The following TRIM37 variants were observed in gnomAD, a reference collection of about 807,000 sequenced individuals.
The protein encoded by TRIM37 is tripartite motif containing 37.
Under a neutral mutation model 129.8 loss-of-function variants are expected in TRIM37, and 80 were observed. That is an observed-to-expected ratio of 0.62 (90% confidence interval 0.51 to 0.74). The LOEUF is 0.74. Ranked by LOEUF, TRIM37 falls within the 30% of genes least tolerant of loss-of-function variation. TRIM37 has a pLI of 0.00. For synonymous variants in TRIM37, 389 were observed against 387.1 expected (o/e 1.00, Z -0.06); for missense variants, 1,054 against 1,176.5 (o/e 0.90, Z 1.52).
intron 9 of TRIM37, among the ~76,000 whole-genome samples, chr17:59,068,543 A>C (rs1426096192): frequency 6.6e-6 from 1 of 152,250 alleles, no homozygotes; most frequent in African/African-American, 2.4e-5. Context: ...CCACAGTATC[A>C]ATGAAGCAGC....
At chr17:58,991,336 G>A (rs1255797968) in intron 24 of TRIM37, among the ~76,000 whole-genome samples, 2 of 151,942 alleles carry the variant, frequency 1.3e-5, no homozygotes, top group Non-Finnish European at 2.9e-5. Context: ...AGGAGTTTGA[G>A]ACCAGCCTGG....
intron 4 of TRIM37, among the ~76,000 whole-genome samples, chr17:59,085,593 G>A (rs1264189649): frequency 2.0e-5 from 3 of 152,142 alleles, no homozygotes; most frequent in African/African-American, 7.2e-5. Flanking sequence ...CTACTGGTGG[G>A]ACTGTAAAAT....
chr17:59,041,872 T>C lies in TRIM37; in HGVS notation c.1694A>G (p.Asn565Ser), dbSNP rs764000478. ...TMSGENDVEYNNMELEEGELM... is the reference protein window; with the variant it reads ...TMSGENDVEYSNMELEEGELM... ...TTCTCCCTCTTCTAATTCCATGTTG[T>C]TATATTCCACATCATTTTCTCCAGA... Residue 565 changes from asparagine to serine, a missense_variant, in exon 17 of 24, where the codon AAC becomes AGC. By Grantham distance (46) the Asn-to-Ser change is conservative. Around this residue, in one of 3 missense-constraint regions of TRIM37, gnomAD observed 752 missense variants for 870.8 expected, o/e 0.86. Transcript: ENST00000262294. 1 of 1,613,748 alleles carries C rather than the reference T, an allele frequency of 6.2e-7. No individual in the cohort carries two copies. The highest frequency in any genetic ancestry group is 8.5e-7 in the Non-Finnish European group (1 of 1,179,722).
At chr17:59,006,583 G>C (rs540061602) in intron 22 of TRIM37, among the ~76,000 whole-genome samples, 1 of 152,094 alleles carries the variant, frequency 6.6e-6, no homozygotes, top group African/African-American at 2.4e-5. Context: ...TGGTGAGGGA[G>C]ACCAACTAAC....
intron 22 of TRIM37, among the ~76,000 whole-genome samples, chr17:59,009,498 C>T (rs570678460): frequency 1.4e-5 from 2 of 145,198 alleles, no homozygotes; most frequent in African/African-American, 2.6e-5. Flanking sequence ...CAGGCTGGAG[C>T]GCAATGGTGC....
At chr17:59,073,823 C>A (rs1315428676) in intron 8 of TRIM37, among the ~76,000 whole-genome samples, 2 of 152,216 alleles carry the variant, frequency 1.3e-5, no homozygotes, top group Non-Finnish European at 2.9e-5. Context: ...TCATCAATAT[C>A]ACCACCTTCC....
At chr17:58,969,701 C>A in the TRIM37 span, 1 of 1,614,072 alleles carries the variant, frequency 6.2e-7, no homozygotes, top group Non-Finnish European at 8.5e-7. Flanking sequence ...CACTGATGAG[C>A]GGTTTGTGCA....
At chr17:59,051,565 C>T (rs2040348139) in intron 13 of TRIM37, among the ~76,000 whole-genome samples, 1 of 152,132 alleles carries the variant, frequency 6.6e-6, no homozygotes, top group Non-Finnish European at 1.5e-5. Context: ...TGTAGTTAAG[C>T]TTCCCAAACT....
intron 6 of TRIM37, 98 bp from the exon 7 acceptor site, chr17:59,079,975 G>A: frequency 7.2e-7 from 1 of 1,385,014 alleles, no homozygotes; most frequent in East Asian, 2.4e-5. Context: ...TATGAAAAAG[G>A]TAGTTAGAGG....
intron 14 of TRIM37, among the ~76,000 whole-genome samples, chr17:59,049,686 C>T (rs1018692445): frequency 1.3e-4 from 19 of 151,982 alleles, no homozygotes; most frequent in African/African-American, 3.6e-4. Flanking sequence ...TTTTTAGAGA[C>T]GGTATCTTGC....
chr17:59,021,429 T>C (rs1226376010), intron 19 of TRIM37, among the ~76,000 whole-genome samples: 2 of 152,066 alleles, frequency 1.3e-5, no homozygotes, highest in East Asian at 1.9e-4. Context: ...CATATACACA[T>C]GGAATACTAT....
intron 15 of TRIM37, 88 bp downstream of exon 15, chr17:59,049,090 C>T: frequency 1.9e-6 from 2 of 1,039,452 alleles, no homozygotes; most frequent in South Asian, 1.3e-5. Context: ...TTTTAGCCTA[C>T]TGTTTTAGCA....
chr17:58,980,293 A>G, downstream of TRIM37: 2 of 1,614,192 alleles, frequency 1.2e-6, no homozygotes, highest in Non-Finnish European at 1.7e-6. This position sits in a 1 kb window ranked among gnomAD's most constrained non-coding sequence, Gnocchi z 4.7. Flanking sequence ...CTTTTCAAGG[A>G]GGGCAAGAAG....
intron 5 of TRIM37, among the ~76,000 whole-genome samples, chr17:59,081,626 AGC>A: frequency 6.6e-6 from 1 of 152,134 alleles, no homozygotes; most frequent in African/African-American, 2.4e-5. Context: ...AATAATTATT[AGC>A]CAGGGGTGGT....
downstream of TRIM37, among the ~76,000 whole-genome samples, chr17:58,978,433 A>T (rs1372061698): frequency 1.3e-5 from 2 of 152,202 alleles, no homozygotes; most frequent in African/African-American, 4.8e-5. Context: ...ATGAGAGGCC[A>T]GATGCGGTGG....
At chr17:59,044,235 A>C (rs1199009717) in intron 16 of TRIM37, among the ~76,000 whole-genome samples, 1 of 152,136 alleles carries the variant, frequency 6.6e-6, no homozygotes, top group Non-Finnish European at 1.5e-5. Context: ...TGAGCCCAGG[A>C]GGTCGAGGTT....
At chr17:59,054,928 A>T (rs1411087573) in intron 13 of TRIM37, among the ~76,000 whole-genome samples, 2 of 151,756 alleles carry the variant, frequency 1.3e-5, no homozygotes, top group Non-Finnish European at 2.9e-5. Context: ...AGCCTCCCAA[A>T]GTGCTGGGAT....
chr17:58,999,004 T>C lies in TRIM37; in HGVS notation c.*373A>G, dbSNP rs145973955. 2,048 of 1,119,008 alleles carry C rather than the reference T, an allele frequency of 1.8e-3. 32 individuals are homozygous for C. In the African/African-American group the frequency reaches 0.031, roughly 17 times the overall value. The allele number at this position is 1,119,008 out of a possible 1,614,324, so 69.3% of individuals were successfully genotyped here. A position where few individuals can be genotyped will look rare whatever the true frequency, so the allele number is the denominator to read the frequency against. ...ACAACTAAGCTCTAGCCAAAGACAG[T>C]AGAGCACCAATGCCGGGCGGGTTAC... On this transcript the variant is annotated 3_prime_UTR_variant, in exon 24 of 24. Transcript: ENST00000262294.
Position 59,007,261 on chromosome 17 carries a change from T to G in TRIM37, c.2695+5067A>C, listed in dbSNP as rs933855846. 3.2e-5 allele frequency among the ~76,000 whole-genome samples: 4 copies of G among 123,090 alleles called. No homozygotes were observed. The East Asian group carries it at 1.1e-3, about 34-fold the overall frequency. 80.8% of individuals were successfully genotyped at this position (123,090 alleles called of 152,430 possible). ...CACACACACACGTTCCTGATGACAC[T>G]GAGCAGCTGAATTTTCTAATCCTGA... On this transcript the variant is annotated intron_variant, in intron 22 of 23. Coordinates refer to ENST00000262294, the MANE Select transcript of TRIM37 (RefSeq NM_015294.6).
Sources: allele counts gnomAD v4.1 joint callset (sites outside exome capture counted in the v4.1 genomes callset), GRCh38; gene constraint gnomAD v4.1.1; regional missense constraint gnomAD v4.1.1; non-coding constraint Gnocchi (gnomAD v3.1); transcripts MANE v1.5; gene names NCBI Gene and HGNC (gene_info 2026-07-23, HGNC 2026-07-21).